FHIP2A: variants seen among roughly 807,000 people sequenced by gnomAD.
FHIP2A encodes the protein family with sequence similarity 160 member B1.
A neutral mutation model predicts 93.5 loss-of-function variants in FHIP2A; 46 were observed. That is an observed-to-expected ratio of 0.49 (90% CI 0.39 to 0.63). The LOEUF (loss-of-function observed/expected upper bound fraction) is 0.63, where lower values mean the gene tolerates loss of function less well. FHIP2A is among the 20% of genes least tolerant of loss of function. The pLI is 0.00. For missense variants in FHIP2A, 769 were observed against 909.7 expected, an observed-to-expected ratio of 0.85 and a Z score of 1.99; for synonymous variants, 332 against 326.5, an observed-to-expected ratio of 1.02 and a Z score of -0.18.
In FHIP2A at chr10:114,861,428, T is replaced by C. The variant is rs1342718516; in HGVS notation, c.2193-7T>C. On this transcript the variant is annotated splice_region_variant and splice_polypyrimidine_tract_variant and intron_variant, in intron 16 of 16. Transcript: ENST00000369248. ...AATTGATTTATTGTCTGTTTTTTCC[T>C]TACCAGTATTGACCACATCACACTG... 9 of 1,613,878 alleles carry C rather than the reference T, an allele frequency of 5.6e-6. No homozygotes were observed. The African/African-American group carries it at 1.2e-4, about 22-fold the overall frequency.
chr10:114,881,955 T>A (rs2083919371), intron 16 of FHIP2A, among the ~76,000 whole-genome samples: 1 of 152,226 alleles, frequency 6.6e-6, no homozygotes, highest in African/African-American at 2.4e-5. Context: ...TGTATGTGTG[T>A]CTGTGTGCGT....
At chr10:114,840,038 A>G (rs1566369104) in intron 5 of FHIP2A, among the ~76,000 whole-genome samples, 1 of 152,144 alleles carries the variant, frequency 6.6e-6, no homozygotes, top group Non-Finnish European at 1.5e-5. Flanking sequence ...AAGTACTTAC[A>G]GGATGGAGAG....
At chr10:114,873,604 C>T (rs1592030174) in intron 16 of FHIP2A, among the ~76,000 whole-genome samples, 3 of 151,944 alleles carry the variant, frequency 2.0e-5, no homozygotes, top group Non-Finnish European at 4.4e-5. Flanking sequence ...TGTCCCAAAC[C>T]CTTTATTTAT....
intron 16 of FHIP2A, among the ~76,000 whole-genome samples, chr10:114,894,809 C>G (rs933503310): frequency 6.6e-6 from 1 of 152,068 alleles, no homozygotes; most frequent in African/African-American, 2.4e-5. Flanking sequence ...AAACTGGGAA[C>G]GACCTAGAGT....
At chr10:114,837,651 A>C (rs2083643823) in intron 5 of FHIP2A, among the ~76,000 whole-genome samples, 1 of 152,218 alleles carries the variant, frequency 6.6e-6, no homozygotes, top group Non-Finnish European at 1.5e-5. Context: ...CACCACAATC[A>C]AGATGTGCAA....
chr10:114,879,248 G>T (rs2143014960), intron 16 of FHIP2A, among the ~76,000 whole-genome samples: 1 of 152,244 alleles, frequency 6.6e-6, no homozygotes, highest in South Asian at 2.1e-4. Context: ...CTTAATGGAG[G>T]AACAGACTCT....
intron 16 of FHIP2A, among the ~76,000 whole-genome samples, chr10:114,870,480 A>G (rs747860267): frequency 6.6e-6 from 1 of 152,118 alleles, no homozygotes; most frequent in Non-Finnish European, 1.5e-5. Flanking sequence ...ACTTACACAA[A>G]GGCAGGCTCT....
intron 2 of FHIP2A, among the ~76,000 whole-genome samples, chr10:114,832,710 A>AT (rs35892795): frequency 0.027 from 3,334 of 125,222 alleles, 157 homozygotes; most frequent in African/African-American, 0.083. Flanking sequence ...TATATTTGAG[A>AT]TTTTTTTTTT....
At position 114,863,664 on chromosome 10, in the gene FHIP2A, A is replaced by C. The variant is rs770370089; in HGVS notation, c.*2124A>C. The C allele has an allele frequency of 1.5e-6, 2 of 1,301,750 alleles. No individual in the cohort carries two copies. The highest frequency in any genetic ancestry group is 2.5e-5 in the South Asian group (2 of 80,552). 80.6% of individuals were successfully genotyped at this position (1,301,750 alleles called of 1,614,324 possible). Reference sequence around the variant, plus strand: ...TTATATTTAGTTCAGACCTAGAGCCAGTAGAAGCTCTCACAGTGAGTTCAA... The same window carrying C: ...TTATATTTAGTTCAGACCTAGAGCCCGTAGAAGCTCTCACAGTGAGTTCAA... On this transcript the variant is annotated 3_prime_UTR_variant, in exon 17 of 17. Coordinates refer to ENST00000369248, the MANE Select transcript of FHIP2A (RefSeq NM_020940.4).
In FHIP2A at chr10:114,863,990, G is replaced by A; in HGVS notation, c.*2450G>A. 2 of 1,058,170 alleles carry A rather than the reference G, an allele frequency of 1.9e-6. No homozygotes were observed. The highest frequency in any genetic ancestry group is 2.8e-5 in the South Asian group (1 of 35,298). The allele number at this position is 1,058,170 out of a possible 1,614,324, so 65.5% of individuals were successfully genotyped here. ...GAACTCAGATTTGTCTTAGCCTATT[G>A]CCATATAGTACTCACCTTATAACTA... On this transcript the variant is annotated 3_prime_UTR_variant, in exon 17 of 17. Coordinates refer to ENST00000369248, the MANE Select transcript of FHIP2A (RefSeq NM_020940.4).
At chr10:114,839,934 A>G (rs2083659696) in intron 5 of FHIP2A, among the ~76,000 whole-genome samples, 2 of 152,016 alleles carry the variant, frequency 1.3e-5, no homozygotes, top group Non-Finnish European at 2.9e-5. Flanking sequence ...AAAGGAGTTT[A>G]CAGTCTGGTG....
rs769669032 is a variant in FHIP2A, at chr10:114,845,349, T to G, written c.1014-18T>G. The G allele has an allele frequency of 2.7e-5, 40 of 1,494,516 alleles. No individual in the cohort carries two copies. The highest frequency in any genetic ancestry group is 3.4e-5 in the Non-Finnish European group (36 of 1,074,156). The allele number at this position is 1,494,516 out of a possible 1,614,324, so 92.6% of individuals were successfully genotyped here. ...TTTTGGATAACTTTGGACTTAGCAA[T>G]TCTTCCTTGTCTTACAGCTTGGACT... On this transcript the variant is annotated intron_variant, in intron 7 of 16. Transcript: ENST00000369248.
In FHIP2A at chr10:114,836,381, T is replaced by G. The variant is rs2083637092; in HGVS notation, c.522+135T>G. On this transcript the variant is annotated intron_variant, in intron 5 of 16. Coordinates refer to ENST00000369248, the MANE Select transcript of FHIP2A (RefSeq NM_020940.4). ...TTGTTTTACTTCCCAGAATTATTTT[T>G]CCTTTAATATCACTATTTTATTCTC... 4 of 697,014 alleles carry G rather than the reference T, an allele frequency of 5.7e-6. No individual in the cohort carries two copies. In the East Asian group the frequency reaches 7.6e-5, roughly 13 times the overall value. 43.2% of individuals were successfully genotyped at this position (697,014 alleles called of 1,614,324 possible). A position where few individuals can be genotyped will look rare whatever the true frequency, so the allele number is the denominator to read the frequency against.
chr10:114,822,840 C>T (rs2083544066), intron 1 of FHIP2A, among the ~76,000 whole-genome samples: 2 of 152,216 alleles, frequency 1.3e-5, no homozygotes, highest in African/African-American at 4.8e-5. Context: ...AGTTCTCTTC[C>T]TGGACACTCT....
Position 114,863,943 on chromosome 10 carries a change from G to A in FHIP2A, c.*2403G>A, listed in dbSNP as rs2083815156. On this transcript the variant is annotated 3_prime_UTR_variant, in exon 17 of 17. Coordinates refer to ENST00000369248, the MANE Select transcript of FHIP2A (RefSeq NM_020940.4). ...AGTCTTTGGATTTGTTTTTAGTTAT[G>A]AGCCGCATTCTTTACTTGATAGAAC... 2 of 1,061,440 alleles carry A rather than the reference G, an allele frequency of 1.9e-6. No individual in the cohort carries two copies. Among genetic ancestry groups the A allele is most frequent in the African/African-American group, 3.4e-5 (2 of 58,122 alleles). The allele number at this position is 1,061,440 out of a possible 1,614,324, so 65.8% of individuals were successfully genotyped here.
At chr10:114,891,099 T>C (rs2143016155) in intron 16 of FHIP2A, among the ~76,000 whole-genome samples, 1 of 150,446 alleles carries the variant, frequency 6.6e-6, no homozygotes, top group Non-Finnish European at 1.5e-5. Flanking sequence ...GAGGCTGAGG[T>C]GGGAAGATTG....
intron 3 of FHIP2A, 134 bp from the exon 4 acceptor site, chr10:114,835,403 A>C (rs2083631370): frequency 1.8e-6 from 1 of 550,912 alleles, no homozygotes; most frequent in African/African-American, 1.9e-5. Flanking sequence ...ACAGTTATTA[A>C]CTGGCCAGTT....
At chr10:114,843,591 T>C (rs2083682560) in intron 6 of FHIP2A, 150 bp from the exon 7 acceptor site, 2 of 637,508 alleles carry the variant, frequency 3.1e-6, no homozygotes, top group African/African-American at 3.8e-5. Context: ...GGTGTGAAGC[T>C]CCACAGTTGG....
chr10:114,875,529 T>C (rs1206672997), intron 16 of FHIP2A, among the ~76,000 whole-genome samples: 1 of 149,978 alleles, frequency 6.7e-6, no homozygotes, highest in African/African-American at 2.4e-5. Context: ...ACCCTGTCTC[T>C]AAAAAAAAAT....
Sources: gnomAD v4.1 joint callset for allele counts (sites outside exome capture counted in the v4.1 genomes callset) on GRCh38, gnomAD v4.1.1 for gene constraint, MANE v1.5 for transcripts, NCBI Gene and HGNC (gene_info 2026-07-23, HGNC 2026-07-21) for gene names.